The following DCAF8L2 variants were observed in gnomAD, a reference collection of about 807,000 sequenced individuals.
DCAF8L2 encodes the protein DDB1 and CUL4 associated factor 8 like 2.
For synonymous variants in DCAF8L2, 200 were observed against 190.9 expected (o/e 1.05, Z -0.39); for missense variants, 430 against 490.7 (o/e 0.88, Z 1.17).
At chrX:27,729,982 G>C (rs5926885) in intron 4 of DCAF8L2, among the ~76,000 whole-genome samples, 1 of 110,654 alleles carries the variant, frequency 9.0e-6, no homozygotes, top group African/African-American at 3.3e-5. Context: ...GTCTCCCTCA[G>C]AGGTTCTTAC....
At chrX:27,541,359 A>T in the DCAF8L2 span, among the ~76,000 whole-genome samples, 1 of 103,553 alleles carries the variant, frequency 9.7e-6, no homozygotes, top group African/African-American at 3.5e-5. Flanking sequence ...TTATTTATTT[A>T]TTTATTTATT....
intron 4 of DCAF8L2, among the ~76,000 whole-genome samples, chrX:27,729,406 A>G (rs1228986455): frequency 8.9e-6 from 1 of 112,665 alleles, no homozygotes; most frequent in East Asian, 2.8e-4. Context: ...CTTTGCACTC[A>G]GTCCTCTCTG....
the DCAF8L2 span, chrX:27,518,188 CT>C: frequency 4.4e-6 from 4 of 917,739 alleles, no homozygotes; most frequent in Non-Finnish European, 6.4e-6. Context: ...AACTGCAGTT[CT>C]TTTGGCTTCC....
chrX:27,585,863 A>C (rs180740867), upstream of DCAF8L2, among the ~76,000 whole-genome samples: 11 of 111,735 alleles, frequency 9.8e-5, no homozygotes, highest in East Asian at 3.1e-3. Flanking sequence ...CTCAGTAAGA[A>C]AACCTCTCAT....
At chrX:27,575,241 G>A in the DCAF8L2 span, among the ~76,000 whole-genome samples, 1 of 110,937 alleles carries the variant, frequency 9.0e-6, no homozygotes, top group Non-Finnish European at 1.9e-5. Context: ...GTGCTCCCTC[G>A]ATGTCCTCTC....
At chrX:27,568,062 T>G in the DCAF8L2 span, among the ~76,000 whole-genome samples, 3 of 111,384 alleles carry the variant, frequency 2.7e-5, no homozygotes, top group Non-Finnish European at 5.7e-5. Context: ...GATAATAACT[T>G]AGTTTGAGTT....
At chrX:27,500,712 C>G in the DCAF8L2 span, among the ~76,000 whole-genome samples, 1 of 111,348 alleles carries the variant, frequency 9.0e-6, no homozygotes, top group South Asian at 3.8e-4. Context: ...AGGTAAGTCT[C>G]AAAGGAAAGT....
chrX:27,543,823 T>A, the DCAF8L2 span, among the ~76,000 whole-genome samples: 28 of 111,444 alleles, frequency 2.5e-4, no homozygotes, highest in Admixed American at 2.6e-3. Context: ...CAAGAGATGG[T>A]CAGAGAAAAA....
intron 1 of DCAF8L2, among the ~76,000 whole-genome samples, chrX:27,621,094 T>A (rs1357589501): frequency 8.9e-6 from 1 of 112,097 alleles, no homozygotes; most frequent in Non-Finnish European, 1.9e-5. Context: ...CCATTCTACT[T>A]ATATGAGATA....
the DCAF8L2 span, among the ~76,000 whole-genome samples, chrX:27,573,407 G>T: frequency 2.7e-5 from 3 of 110,829 alleles, no homozygotes; most frequent in Non-Finnish European, 5.7e-5. Flanking sequence ...GAGTATTTCT[G>T]GTAGAATGAC....
chrX:27,636,076 G>A (rs1320527208), intron 2 of DCAF8L2, among the ~76,000 whole-genome samples: 2 of 111,082 alleles, frequency 1.8e-5, no homozygotes, highest in African/African-American at 3.3e-5. Flanking sequence ...CGTGGCCTCC[G>A]AAAGTGCTGG....
the DCAF8L2 span, among the ~76,000 whole-genome samples, chrX:27,485,234 C>T: frequency 8.9e-6 from 1 of 111,763 alleles, no homozygotes; most frequent in East Asian, 2.8e-4. Flanking sequence ...ATAAAACTCT[C>T]GTGCTAATAT....
the DCAF8L2 span, among the ~76,000 whole-genome samples, chrX:27,561,729 TGTG>T: frequency 2.3e-3 from 262 of 111,760 alleles, no homozygotes; most frequent in African/African-American, 6.2e-3. Context: ...GGTTCATACA[TGTG>T]GTAGTATGTT....
chrX:27,704,926 G>A (rs906689689), intron 3 of DCAF8L2, among the ~76,000 whole-genome samples: 2 of 110,657 alleles, frequency 1.8e-5, no homozygotes, highest in Middle Eastern at 4.3e-3. Context: ...AATAAGCATG[G>A]TACCCAATAA....
intron 3 of DCAF8L2, among the ~76,000 whole-genome samples, chrX:27,683,898 G>T (rs750687940): frequency 3.6e-5 from 4 of 111,485 alleles, no homozygotes; most frequent in Non-Finnish European, 7.5e-5. Flanking sequence ...CCTCCCCTTG[G>T]ATCATTTTCT....
At chrX:27,472,588 T>C in the DCAF8L2 span, among the ~76,000 whole-genome samples, 2 of 111,114 alleles carry the variant, frequency 1.8e-5, no homozygotes, top group Non-Finnish European at 3.8e-5. Context: ...TTCCCCTCCC[T>C]GTATCCATGT....
At chrX:27,617,858 A>G (rs1241830665) in intron 1 of DCAF8L2, among the ~76,000 whole-genome samples, 1 of 111,950 alleles carries the variant, frequency 8.9e-6, no homozygotes, top group Non-Finnish European at 1.9e-5. Context: ...ATGTCTAGAG[A>G]TGTTTATTGA....
the DCAF8L2 span, among the ~76,000 whole-genome samples, chrX:27,509,125 C>T: frequency 1.8e-5 from 2 of 111,371 alleles, no homozygotes; most frequent in East Asian, 5.7e-4. Context: ...GTGATAGATA[C>T]AACATTCTGT....
the DCAF8L2 span, among the ~76,000 whole-genome samples, chrX:27,493,716 A>G: frequency 2.9e-5 from 1 of 35,084 alleles, no homozygotes; most frequent in Non-Finnish European, 1.2e-4. Flanking sequence ...CAAAAAAAAA[A>G]AAAAAAAGAA....
Sources: gnomAD v4.1 joint callset for allele counts (sites outside exome capture counted in the v4.1 genomes callset) on GRCh38, gnomAD v4.1.1 for gene constraint, MANE v1.5 for transcripts, NCBI Gene and HGNC (gene_info 2026-07-23, HGNC 2026-07-21) for gene names.